The following KCNQ5 variants were observed in gnomAD, a reference collection of about 807,000 sequenced individuals.
KCNQ5 encodes potassium voltage-gated channel subfamily Q member 5.
A neutral mutation model predicts 98.2 loss-of-function variants in KCNQ5; 30 were observed. The ratio of observed to expected loss-of-function variants is 0.31; its 90% CI spans 0.23 to 0.41. KCNQ5 has a LOEUF of 0.41. Among genes scored for constraint, KCNQ5 ranks in the 10% least tolerant of loss-of-function variants. The pLI is 1.00. For missense variants in KCNQ5, 835 were observed against 1,182.5 expected (o/e 0.71, Z 4.31); for synonymous variants, 458 against 449.4 (o/e 1.02, Z -0.24).
At chr6:72,760,804 G>C (rs1346719743) in intron 1 of KCNQ5, among the ~76,000 whole-genome samples, 1 of 152,088 alleles carries the variant, frequency 6.6e-6, no homozygotes, top group African/African-American at 2.4e-5. Context: ...TTATCTGAAG[G>C]AGAGAAAGTA....
At chr6:73,017,932 C>T (rs1042911282) in intron 2 of KCNQ5, among the ~76,000 whole-genome samples, 6 of 152,098 alleles carry the variant, frequency 3.9e-5, no homozygotes, top group Non-Finnish European at 8.8e-5. Flanking sequence ...AGGACCACCC[C>T]TAGGAGTGCA....
chr6:72,951,229 T>G (rs1479996145), intron 1 of KCNQ5, among the ~76,000 whole-genome samples: 1 of 152,148 alleles, frequency 6.6e-6, no homozygotes, highest in Admixed American at 6.6e-5. Flanking sequence ...TAATTTAACC[T>G]CTTAGCCTTC....
At chr6:72,944,180 T>C (rs1484539307) in intron 1 of KCNQ5, among the ~76,000 whole-genome samples, 3 of 152,244 alleles carry the variant, frequency 2.0e-5, no homozygotes, top group African/African-American at 7.2e-5. Context: ...GAGCATTCAT[T>C]ACTATTATTA....
At chr6:72,778,003 C>G (rs1321594860) in intron 1 of KCNQ5, among the ~76,000 whole-genome samples, 1 of 152,086 alleles carries the variant, frequency 6.6e-6, no homozygotes, top group Non-Finnish European at 1.5e-5. Flanking sequence ...CTCTGAAACT[C>G]AAGGAAGGCA....
At chr6:72,685,214 G>A (rs1203714237) in intron 1 of KCNQ5, among the ~76,000 whole-genome samples, 1 of 152,180 alleles carries the variant, frequency 6.6e-6, no homozygotes, top group Non-Finnish European at 1.5e-5. Context: ...TGGACCCAAA[G>A]AGCTGAGGTC....
At chr6:72,814,438 T>C (rs1044013294) in intron 1 of KCNQ5, among the ~76,000 whole-genome samples, 2 of 152,234 alleles carry the variant, frequency 1.3e-5, no homozygotes, top group Non-Finnish European at 2.9e-5. Flanking sequence ...ACCTCATAGA[T>C]TCCTGTGAAG....
chr6:72,913,901 G>A (rs894752834), intron 1 of KCNQ5, among the ~76,000 whole-genome samples: 3 of 152,180 alleles, frequency 2.0e-5, no homozygotes, highest in Admixed American at 6.5e-5. Context: ...GAGGACAAAA[G>A]GGAATGACCT....
intron 1 of KCNQ5, among the ~76,000 whole-genome samples, chr6:72,863,662 A>G (rs897287941): frequency 1.3e-5 from 2 of 152,216 alleles, no homozygotes; most frequent in Admixed American, 6.5e-5. Context: ...AAGATTGGTC[A>G]GTTTCTACCT....
At chr6:73,039,002 A>C (rs78576960) in intron 2 of KCNQ5, among the ~76,000 whole-genome samples, 2 of 152,138 alleles carry the variant, frequency 1.3e-5, no homozygotes, top group Non-Finnish European at 2.9e-5. Context: ...ATTTTAAACT[A>C]TGAGTTCAAT....
At chr6:72,874,833 C>T (rs926461913) in intron 1 of KCNQ5, among the ~76,000 whole-genome samples, 1 of 152,056 alleles carries the variant, frequency 6.6e-6, no homozygotes, top group South Asian at 2.1e-4. Flanking sequence ...AGCACAAAAG[C>T]GTAAAATGAT....
intron 3 of KCNQ5, among the ~76,000 whole-genome samples, chr6:73,070,839 G>A (rs1015780415): frequency 1.3e-5 from 2 of 152,158 alleles, no homozygotes; most frequent in Admixed American, 6.5e-5. Flanking sequence ...CAGAGATAAT[G>A]CTGTACCTTA....
At chr6:73,183,148 A>C (rs1019348578) in intron 11 of KCNQ5, among the ~76,000 whole-genome samples, 3 of 152,188 alleles carry the variant, frequency 2.0e-5, no homozygotes, top group African/African-American at 7.2e-5. Flanking sequence ...AGGAGGTCAG[A>C]TCCATAGACA....
intron 1 of KCNQ5, among the ~76,000 whole-genome samples, chr6:72,808,429 A>T (rs1775062137): frequency 6.6e-6 from 1 of 152,172 alleles, no homozygotes; most frequent in Non-Finnish European, 1.5e-5. Flanking sequence ...GTTCTGTGCA[A>T]GAGGGTGCAC....
Position 73,190,603 on chromosome 6 carries a change from G to T in KCNQ5, c.1608G>T (p.Lys536Asn), listed in dbSNP as rs766481238. ...TGAAATTTCATGTTGCAAAACGGAA[G>T]TTTAAGGAAACATTACGTCCATATG... The part of the protein sequence containing the change: ...RIMKFHVAKR[K>N]FKETLRPYDV... Residue 536 changes from lysine to asparagine, a missense_variant, in exon 12 of 14, where the codon AAG becomes AAT. By Grantham distance (94) the Lys-to-Asn change is moderately conservative. Coordinates refer to ENST00000370398, the MANE Select transcript of KCNQ5 (RefSeq NM_019842.4). 6.5e-7 allele frequency: 1 copy of T among 1,549,116 alleles called. No homozygotes were observed. The highest frequency in any genetic ancestry group is 8.8e-7 in the Non-Finnish European group (1 of 1,135,406).
intron 1 of KCNQ5, among the ~76,000 whole-genome samples, chr6:72,745,243 A>G (rs1771323774): frequency 1.3e-5 from 2 of 152,244 alleles, no homozygotes; most frequent in South Asian, 4.1e-4. Flanking sequence ...CTTAAAACTG[A>G]AAAGATCAAT....
intron 1 of KCNQ5, among the ~76,000 whole-genome samples, chr6:72,858,242 C>T (rs998493218): frequency 2.0e-5 from 3 of 152,058 alleles, no homozygotes; most frequent in Non-Finnish European, 4.4e-5. Flanking sequence ...TTCACAGATG[C>T]TGAGCTATGC....
intron 1 of KCNQ5, among the ~76,000 whole-genome samples, chr6:72,812,592 G>A (rs1775296483): frequency 6.6e-6 from 1 of 152,160 alleles, no homozygotes; most frequent in Non-Finnish European, 1.5e-5. Flanking sequence ...AAATCAGTGA[G>A]AAAGAGCTAA....
chr6:73,057,206 T>C (rs1772550688), intron 3 of KCNQ5, among the ~76,000 whole-genome samples: 1 of 152,046 alleles, frequency 6.6e-6, no homozygotes, highest in East Asian at 1.9e-4. Flanking sequence ...GAAACCATCA[T>C]TCTCAGCAAA....
intron 1 of KCNQ5, among the ~76,000 whole-genome samples, chr6:72,706,655 C>T (rs7764621): frequency 1 from 152,176 of 152,240 alleles, 76,057 homozygotes; most frequent in Non-Finnish European, 1. Context: ...GTTCCTAATA[C>T]AGCAACCTAA....
Sources: gnomAD v4.1 joint callset for allele counts (sites outside exome capture counted in the v4.1 genomes callset) on GRCh38, gnomAD v4.1.1 for gene constraint, MANE v1.5 for transcripts, NCBI Gene and HGNC (gene_info 2026-07-23, HGNC 2026-07-21) for gene names.